FSTL1: variants seen among roughly 807,000 people sequenced by gnomAD.
FSTL1 encodes the protein follistatin like 1.
FSTL1 carries 24 observed loss-of-function variants against 45.9 expected under a neutral mutation model. That is an observed-to-expected ratio of 0.52 (90% CI 0.38 to 0.74). The LOEUF is 0.74. Among genes scored for constraint, FSTL1 ranks in the 30% least tolerant of loss-of-function variants. The pLI is 0.00. For synonymous variants in FSTL1, 120 were observed against 137.6 expected, an observed-to-expected ratio of 0.87 and a Z score of 0.89; for missense variants, 340 against 381.8, an observed-to-expected ratio of 0.89 and a Z score of 0.91.
chr3:120,428,497 C>A (rs1351152675), intron 2 of FSTL1, among the ~76,000 whole-genome samples: 1 of 152,128 alleles, frequency 6.6e-6, no homozygotes, highest in African/African-American at 2.4e-5. Flanking sequence ...CTCTGGGAGG[C>A]CTAGGCAGGT....
At chr3:120,443,340 C>T (rs1937665427) in intron 2 of FSTL1, among the ~76,000 whole-genome samples, 1 of 149,604 alleles carries the variant, frequency 6.7e-6, no homozygotes, top group Admixed American at 6.6e-5. Flanking sequence ...ATGGTGGTAG[C>T]AGCTCCTTCA....
At chr3:120,428,262 C>T (rs1177828590) in intron 2 of FSTL1, among the ~76,000 whole-genome samples, 1 of 152,180 alleles carries the variant, frequency 6.6e-6, no homozygotes, top group Non-Finnish European at 1.5e-5. Context: ...GGTGTGCCCA[C>T]GTGGTTTATC....
At position 120,395,774 on chromosome 3, in the gene FSTL1, C is replaced by G. The variant is rs1936686114; in HGVS notation, c.*1178G>C. On this transcript the variant is annotated 3_prime_UTR_variant, in exon 11 of 11. Transcript: ENST00000295633. ...AACTTATCAAATCAAAAGGTTAGTG[C>G]ATTCTTACCAGCTCACTGAGGAAAC... 1.9e-6 allele frequency: 1 copy of G among 525,490 alleles called. No individual in the cohort carries two copies. The allele number at this position is 525,490 out of a possible 1,614,324, so 32.6% of individuals were successfully genotyped here.
At chr3:120,432,481 C>A (rs1937495658) in intron 2 of FSTL1, among the ~76,000 whole-genome samples, 1 of 152,086 alleles carries the variant, frequency 6.6e-6, no homozygotes, top group South Asian at 2.1e-4. Context: ...GAAATTAAAA[C>A]CCTCCGAGAC....
chr3:120,450,042 A>G (rs1409611053), intron 2 of FSTL1, among the ~76,000 whole-genome samples: 1 of 152,114 alleles, frequency 6.6e-6, no homozygotes, highest in Non-Finnish European at 1.5e-5. Flanking sequence ...CAAAAAAACA[A>G]GCGCTGAAAT....
At chr3:120,440,609 T>A (rs1051837271) in intron 2 of FSTL1, among the ~76,000 whole-genome samples, 1 of 152,246 alleles carries the variant, frequency 6.6e-6, no homozygotes, top group African/African-American at 2.4e-5. Flanking sequence ...ACAAGGTCTC[T>A]TATCCACCAG....
Position 120,405,127 on chromosome 3 carries a change from C to T in FSTL1, c.463-156G>A, listed in dbSNP as rs541816629. On this transcript the variant is annotated intron_variant, in intron 6 of 10. Transcript: ENST00000295633. ...GGCCTTGGCAACAAATGCTCTAATC[C>T]CTGGGACATGCAGAGAAGGTACCTG... Among the ~76,000 whole-genome samples the T allele has an allele frequency of 1.8e-3, 275 of 152,266 alleles. 1 individual carries two copies. Among genetic ancestry groups the T allele is most frequent in the African/African-American group, 6.5e-3 (270 of 41,550 alleles).
chr3:120,410,515 C>A, intron 5 of FSTL1: 1 of 319,584 alleles, frequency 3.1e-6, no homozygotes, highest in Non-Finnish European at 6.2e-6. Flanking sequence ...TGCAAAAAAG[C>A]TCTGTAACTA....
At chr3:120,446,131 G>T (rs1216726330) in intron 2 of FSTL1, among the ~76,000 whole-genome samples, 2 of 152,184 alleles carry the variant, frequency 1.3e-5, no homozygotes, top group Non-Finnish European at 2.9e-5. Context: ...TATTTGAAGA[G>T]GACTAAGACA....
chr3:120,410,775 T>C (rs1313277336), intron 5 of FSTL1, 177 bp downstream of exon 5: 7 of 710,110 alleles, frequency 9.9e-6, no homozygotes, highest in South Asian at 8.8e-5. Context: ...GGCAAACACA[T>C]ACACAAATGT....
chr3:120,414,435 C>A (rs1231141827), intron 3 of FSTL1, among the ~76,000 whole-genome samples: 19 of 152,350 alleles, frequency 1.2e-4, no homozygotes, highest in African/African-American at 4.6e-4. Flanking sequence ...GCCCGGCCGC[C>A]CCTACTGGGA....
In FSTL1 at chr3:120,399,945, C is replaced by T. The variant is rs1295524202; in HGVS notation, c.820G>A (p.Gly274Arg). ...TCCTCCTCTGTCTGGGTCTGGGCCCCCTTCTGATTCTTTCCTGCAAGAAGA... is the reference window on the plus strand; with the variant it reads ...TCCTCCTCTGTCTGGGTCTGGGCCCTCTTCTGATTCTTTCCTGCAAGAAGA... ...AMTCDGKNQK[G>R]AQTQTEEEMT... is the part of the protein sequence containing the mutation. The change falls in exon 10 of 11, where the codon GGG becomes AGG. Residue 274 changes from glycine to arginine, a missense_variant. Gly to Arg is a moderately radical substitution (Grantham distance 125). Coordinates refer to ENST00000295633, the MANE Select transcript of FSTL1 (RefSeq NM_007085.5). 2.5e-5 allele frequency: 40 copies of T among 1,607,586 alleles called. No homozygotes were observed. The highest frequency in any genetic ancestry group is 3.4e-5 in the Non-Finnish European group (40 of 1,176,590).
rs771114925 is a variant in FSTL1, at chr3:120,450,669, C to A, written c.63+15G>T. ...CCCCGGGGACCGAGTTCGGACTCCTCGGCCCCTCGCCTACCTCGGCGCGGA... is the reference window on the plus strand; with the variant it reads ...CCCCGGGGACCGAGTTCGGACTCCTAGGCCCCTCGCCTACCTCGGCGCGGA... On this transcript the variant is annotated intron_variant, in intron 2 of 10. Transcript: ENST00000295633. The A allele has an allele frequency of 3.2e-6, 5 of 1,549,502 alleles. No homozygotes were observed. Among genetic ancestry groups the A allele is most frequent in the Non-Finnish European group, 4.3e-6 (5 of 1,154,102 alleles).
chr3:120,401,219 T>C (rs1458922155), intron 9 of FSTL1, among the ~76,000 whole-genome samples: 1 of 152,224 alleles, frequency 6.6e-6, no homozygotes, highest in African/African-American at 2.4e-5. Context: ...ATGTGTTTTG[T>C]TGGTTTCAGT....
intron 2 of FSTL1, among the ~76,000 whole-genome samples, chr3:120,446,520 C>A (rs1398884854): frequency 2.0e-5 from 3 of 152,194 alleles, no homozygotes; most frequent in Admixed American, 2.0e-4. Flanking sequence ...TGTTTTACAC[C>A]CCAATTTCCA....
chr3:120,413,261 G>A (rs931872244), intron 3 of FSTL1, among the ~76,000 whole-genome samples: 2 of 152,194 alleles, frequency 1.3e-5, no homozygotes, highest in Non-Finnish European at 2.9e-5. Flanking sequence ...TCCAGTTTTA[G>A]TTGAGGATAC....
At chr3:120,440,328 TG>T (rs1937615588) in intron 2 of FSTL1, among the ~76,000 whole-genome samples, 1 of 152,214 alleles carries the variant, frequency 6.6e-6, no homozygotes, top group Non-Finnish European at 1.5e-5. Flanking sequence ...ATATAACAAC[TG>T]ATGTTACCTG....
At chr3:120,448,370 A>C (rs184237187) in intron 2 of FSTL1, among the ~76,000 whole-genome samples, 1 of 152,352 alleles carries the variant, frequency 6.6e-6, no homozygotes, top group East Asian at 1.9e-4. Flanking sequence ...ATTAACTACA[A>C]GATAAAAGGC....
chr3:120,407,078 C>T (rs1375338810), intron 6 of FSTL1, among the ~76,000 whole-genome samples: 4 of 152,156 alleles, frequency 2.6e-5, no homozygotes, highest in African/African-American at 9.7e-5. Context: ...TGAAATTTTC[C>T]ACTTATGGCA....
Sources: gnomAD v4.1 joint callset for allele counts (sites outside exome capture counted in the v4.1 genomes callset) on GRCh38, gnomAD v4.1.1 for gene constraint, MANE v1.5 for transcripts, NCBI Gene and HGNC (gene_info 2026-07-23, HGNC 2026-07-21) for gene names.